AKAP13: variants seen among roughly 807,000 people sequenced by gnomAD.
AKAP13 encodes A-kinase anchor protein 13.
Under a neutral mutation model 264.5 loss-of-function variants are expected in AKAP13, and 80 were observed. The ratio of observed to expected loss-of-function variants is 0.30; its 90% CI spans 0.25 to 0.36. The LOEUF is 0.36. AKAP13 is among the 10% of genes least tolerant of loss of function. The probability of loss-of-function intolerance (pLI) is 1.00; values close to 1 mark genes in which losing one functional copy is unlikely to be tolerated. For missense variants in AKAP13, 3,712 were observed against 3,435.2 expected (o/e 1.08, Z -2.01); for synonymous variants, 1,380 against 1,250.2 (o/e 1.10, Z -2.19).
At position 85,727,417 on chromosome 15, in the gene AKAP13, T is replaced by A; in HGVS notation, c.7041T>A (p.Asn2347Lys). 1.1e-5 allele frequency: 17 copies of A among 1,614,154 alleles called. No individual in the cohort carries two copies. The highest frequency in any genetic ancestry group is 1.3e-5 in the Non-Finnish European group (15 of 1,180,014). The change falls in exon 29 of 37, where the codon AAT (asparagine) becomes AAA (lysine). Residue 2347 changes from asparagine (N) to lysine (K), a missense_variant. Physicochemically the swap from Asn to Lys is moderately conservative, Grantham distance 94. Coordinates refer to ENST00000394518, the MANE Select transcript of AKAP13 (RefSeq NM_007200.5). The surrounding 1 kb of genome is among the most constrained non-coding windows in gnomAD (Gnocchi z 5.3). ...AAGATGAAGGAATTCCTAGTGAGAA[T>A]GAGGAAGAAAAGAAAATGTTGGACA... ...RDEDEGIPSE[N>K]EEEKKMLDTR...
intron 1 of AKAP13, among the ~76,000 whole-genome samples, chr15:85,450,027 G>A (rs1485835276): frequency 6.6e-6 from 1 of 151,982 alleles, no homozygotes; most frequent in African/African-American, 2.4e-5. Flanking sequence ...GTAGAATTAG[G>A]CTGTGAATCC....
At chr15:85,510,194 G>C (rs2151118265) in intron 2 of AKAP13, among the ~76,000 whole-genome samples, 1 of 152,306 alleles carries the variant, frequency 6.6e-6, no homozygotes, top group African/African-American at 2.4e-5. Context: ...CTCTGGCCCA[G>C]CTTCACTGTA....
chr15:85,743,550 A>T lies in AKAP13; in HGVS notation c.8117A>T (p.Glu2706Val). The stretch of plus-strand genomic sequence containing the variant: ...CCATCGTTCTTCCCCAGTCCTGAGG[A>T]GCCCCCCTCGCCATCTGCACCTTCC... ...RIPSFFPSPE[E>V]PPSPSAPSIA... The change falls in exon 36 of 37, where the codon GAG becomes GTG. Residue 2706 changes from glutamate (E) to valine (V), a missense_variant. Around this residue, in one of 3 missense-constraint regions of AKAP13, gnomAD observed 611 missense variants for 539.3 expected, o/e 1.13. Coordinates refer to ENST00000394518, the MANE Select transcript of AKAP13 (RefSeq NM_007200.5). 6 of 1,614,184 alleles carry T rather than the reference A, an allele frequency of 3.7e-6. No individual in the cohort carries two copies. Among genetic ancestry groups the T allele is most frequent in the Non-Finnish European group, 5.1e-6 (6 of 1,180,038 alleles).
At chr15:85,414,627 GA>G (rs2072147112) in intron 1 of AKAP13, among the ~76,000 whole-genome samples, 1 of 152,208 alleles carries the variant, frequency 6.6e-6, no homozygotes, top group African/African-American at 2.4e-5. Context: ...TCCAAAATAA[GA>G]TAAGGAAGTT....
rs2079103032 is a variant in AKAP13 at position 85,578,864 on chromosome 15, T to G, written c.862-66T>G. On this transcript the variant is annotated intron_variant, in intron 6 of 36. Transcript: ENST00000394518. ...GAGTTCTGTCCAACAGAATTTTTGC[T>G]CAGAGGTGTCAGTGACATCTTCTCC... is the stretch of plus-strand genomic sequence containing the variant. 42 of 1,506,128 alleles carry G rather than the reference T, an allele frequency of 2.8e-5. No homozygotes were observed. In the South Asian group the frequency reaches 5.2e-4, roughly 19 times the overall value. 93.3% of individuals were successfully genotyped at this position (1,506,128 alleles called of 1,614,324 possible). A position where few individuals can be genotyped will look rare whatever the true frequency, so the allele number is the denominator to read the frequency against.
intron 2 of AKAP13, among the ~76,000 whole-genome samples, chr15:85,498,203 T>TAGATATATATAG (rs1222254476): frequency 2.1e-4 from 3 of 14,358 alleles, no homozygotes; most frequent in Non-Finnish European, 5.1e-4. Flanking sequence ...AAGTGAGATA[T>TAGATATATATAG]ATATATATAT....
At chr15:85,601,403 T>C (rs1270144845) in intron 8 of AKAP13, among the ~76,000 whole-genome samples, 3 of 152,238 alleles carry the variant, frequency 2.0e-5, no homozygotes, top group African/African-American at 7.2e-5. Flanking sequence ...CATAATGTTA[T>C]GAAATTGTTT....
At chr15:85,453,111 G>C (rs1385649010) in intron 1 of AKAP13, among the ~76,000 whole-genome samples, 2 of 152,300 alleles carry the variant, frequency 1.3e-5, no homozygotes, top group East Asian at 3.9e-4. Flanking sequence ...CTCTCCTTGA[G>C]TTTACTGCAG....
intron 1 of AKAP13, among the ~76,000 whole-genome samples, chr15:85,403,958 T>G (rs183740151): frequency 6.6e-5 from 10 of 152,252 alleles, no homozygotes; most frequent in Non-Finnish European, 7.4e-5. Flanking sequence ...CAGGTTGGAA[T>G]ACTGCCCTGA....
At chr15:85,569,617 T>G (rs925875635) in intron 5 of AKAP13, among the ~76,000 whole-genome samples, 1 of 151,988 alleles carries the variant, frequency 6.6e-6, no homozygotes, top group African/African-American at 2.4e-5. Context: ...TACACCCGGC[T>G]AATTTTTGTA....
chr15:85,439,489 T>C (rs2150950191), intron 1 of AKAP13, among the ~76,000 whole-genome samples: 1 of 151,784 alleles, frequency 6.6e-6, no homozygotes, highest in East Asian at 1.9e-4. Flanking sequence ...CAAATGACTA[T>C]AAATCATGCT....
At chr15:85,416,986 T>C (rs960057180) in intron 1 of AKAP13, among the ~76,000 whole-genome samples, 1 of 152,246 alleles carries the variant, frequency 6.6e-6, no homozygotes, top group African/African-American at 2.4e-5. Context: ...TGTGTTATGC[T>C]TCAAAATGAA....
chr15:85,582,148 G>C (rs767096027), intron 7 of AKAP13, 41 bp downstream of exon 7: 45 of 1,533,070 alleles, frequency 2.9e-5, no homozygotes, highest in Non-Finnish European at 3.9e-5. Context: ...CTGAGAAGCA[G>C]ATTCCCTTAA....
chr15:85,485,310 A>G (rs1463712138), intron 1 of AKAP13, among the ~76,000 whole-genome samples: 1 of 152,174 alleles, frequency 6.6e-6, no homozygotes, highest in African/African-American at 2.4e-5. Flanking sequence ...CTCACTTTCC[A>G]GGCTCCCTAG....
chr15:85,643,854 T>C (rs2082422969), intron 9 of AKAP13, among the ~76,000 whole-genome samples: 1 of 152,200 alleles, frequency 6.6e-6, no homozygotes, highest in Non-Finnish European at 1.5e-5. Context: ...GTGACCCCAT[T>C]ACTACGTACA....
chr15:85,453,484 C>G (rs1204243957), intron 1 of AKAP13, among the ~76,000 whole-genome samples: 1 of 152,228 alleles, frequency 6.6e-6, no homozygotes, highest in Non-Finnish European at 1.5e-5. Context: ...AGATGGCTGC[C>G]TGTCCTTCCC....
At chr15:85,691,585 C>A (rs890833082) in intron 16 of AKAP13, among the ~76,000 whole-genome samples, 1 of 152,216 alleles carries the variant, frequency 6.6e-6, no homozygotes, top group Non-Finnish European at 1.5e-5. Flanking sequence ...TAGAACATTT[C>A]TGACATTCCT....
chr15:85,644,230 C>CT (rs1393075503), intron 9 of AKAP13, among the ~76,000 whole-genome samples: 9 of 38,976 alleles, frequency 2.3e-4, no homozygotes, highest in African/African-American at 5.7e-4. Flanking sequence ...TGACTTTTAT[C>CT]TTCTTTTTTT....
chr15:85,384,069 AG>A (rs2070429547), intron 1 of AKAP13, among the ~76,000 whole-genome samples: 1 of 152,244 alleles, frequency 6.6e-6, no homozygotes, highest in Non-Finnish European at 1.5e-5. Context: ...TTACCTGTTA[AG>A]GACATTTCTT....
Sources: gnomAD v4.1 joint callset for allele counts (sites outside exome capture counted in the v4.1 genomes callset) on GRCh38, gnomAD v4.1.1 for gene constraint, gnomAD v4.1.1 regional missense constraint, Gnocchi (gnomAD v3.1) non-coding constraint, MANE v1.5 for transcripts, NCBI Gene and HGNC (gene_info 2026-07-23, HGNC 2026-07-21) for gene names.